The following EEFSEC variants were observed in gnomAD, a reference collection of about 807,000 sequenced individuals.
EEFSEC encodes eukaryotic elongation factor, selenocysteine-tRNA specific, also known as selenocysteine-specific elongation factor.
EEFSEC carries 43 observed loss-of-function variants against 42.1 expected under a neutral mutation model. The observed-to-expected ratio is 1.02, with a 90% CI of 0.80 to 1.32. The LOEUF is 1.32. EEFSEC is among the 40% of genes most tolerant of loss of function. EEFSEC has a pLI of 0.00. For missense variants in EEFSEC, 745 were observed against 803.6 expected (o/e 0.93, Z 0.88); for synonymous variants, 354 against 339.1 (o/e 1.04, Z -0.48).
At chr3:128,193,741 C>T (rs1337102406) in intron 1 of EEFSEC, among the ~76,000 whole-genome samples, 3 of 152,090 alleles carry the variant, frequency 2.0e-5, no homozygotes, top group African/African-American at 4.8e-5. Context: ...CACACTAATC[C>T]GCAGGCCAGG....
chr3:128,284,564 G>A (rs1008139163), intron 4 of EEFSEC, among the ~76,000 whole-genome samples: 1 of 152,100 alleles, frequency 6.6e-6, no homozygotes, highest in African/African-American at 2.4e-5. Flanking sequence ...GCAGGCTTTT[G>A]GGCACTCAGG....
chr3:128,402,620 C>T (rs777682336), intron 6 of EEFSEC, among the ~76,000 whole-genome samples: 3 of 152,222 alleles, frequency 2.0e-5, no homozygotes, highest in Admixed American at 1.3e-4. Flanking sequence ...TCAGTACCTC[C>T]GTGCTGTGGG....
At chr3:128,169,888 G>C (rs2065277743) in intron 1 of EEFSEC, among the ~76,000 whole-genome samples, 7 of 152,188 alleles carry the variant, frequency 4.6e-5, no homozygotes, top group Admixed American at 3.9e-4. Flanking sequence ...CAGAGCACAG[G>C]CCCTTCATGC....
chr3:128,422,288 G>C, the EEFSEC span, among the ~76,000 whole-genome samples: 1 of 152,236 alleles, frequency 6.6e-6, no homozygotes, highest in African/African-American at 2.4e-5. Flanking sequence ...GCATGGGGCG[G>C]CTCCTGCATA....
intron 6 of EEFSEC, among the ~76,000 whole-genome samples, chr3:128,400,139 T>C (rs951234380): frequency 5.3e-5 from 8 of 152,162 alleles, no homozygotes; most frequent in Non-Finnish European, 1.0e-4. Flanking sequence ...CAGGCCTGCC[T>C]CCAGCCACGC....
chr3:128,239,402 C>T (rs1181421658), intron 1 of EEFSEC, among the ~76,000 whole-genome samples: 4 of 152,116 alleles, frequency 2.6e-5, no homozygotes, highest in Admixed American at 2.6e-4. Context: ...GGTGAGGTGC[C>T]CTCCTCCAAC....
At chr3:128,227,062 G>A (rs527790957) in intron 1 of EEFSEC, among the ~76,000 whole-genome samples, 1 of 152,328 alleles carries the variant, frequency 6.6e-6, no homozygotes, top group African/African-American at 2.4e-5. Context: ...GGGCTTGCAG[G>A]ACATGGTGGA....
the EEFSEC span, among the ~76,000 whole-genome samples, chr3:128,414,456 TCAGAGGCCCAGG>T: frequency 1.3e-5 from 2 of 152,106 alleles, no homozygotes; most frequent in African/African-American, 4.8e-5. Context: ...CAGGCCTTCC[TCAGAGGCCCAGG>T]CAGAGGCCCT....
intron 6 of EEFSEC, among the ~76,000 whole-genome samples, chr3:128,400,253 G>C (rs2068033841): frequency 6.6e-6 from 1 of 152,220 alleles, no homozygotes; most frequent in Admixed American, 6.5e-5. Flanking sequence ...AGGGGAACTT[G>C]ACATTGGAGC....
At chr3:128,287,610 T>C (rs2066599936) in intron 4 of EEFSEC, among the ~76,000 whole-genome samples, 1 of 152,140 alleles carries the variant, frequency 6.6e-6, no homozygotes, top group Non-Finnish European at 1.5e-5. Flanking sequence ...TCTCCTGGAG[T>C]TAGACTGGGA....
chr3:128,296,399 T>G (rs913239005), intron 4 of EEFSEC, among the ~76,000 whole-genome samples: 2 of 152,086 alleles, frequency 1.3e-5, no homozygotes, highest in African/African-American at 2.4e-5. Context: ...AAGCCTTTCT[T>G]GTCTCCTCTT....
rs768663651 is a variant in EEFSEC at position 128,341,334 on chromosome 3, G to A, written c.888G>A (p.Lys296=). ...TCTGCGTCACCCAGTTTGACCCTAA[G>A]CTGCTGGAGCGCGGGTTGGTGTGTG... The part of the protein sequence containing the change: ...LGICVTQFDP[K]LLERGLVCAP... Residue 296 remains lysine, a synonymous_variant, in exon 5 of 7, where the codon AAG becomes AAA. Coordinates refer to ENST00000254730, the MANE Select transcript of EEFSEC (RefSeq NM_021937.5). 2.5e-6 allele frequency: 4 copies of A among 1,614,080 alleles called. No homozygotes were observed. Among genetic ancestry groups the A allele is most frequent in the Non-Finnish European group, 8.5e-7 (1 of 1,180,048 alleles).
intron 1 of EEFSEC, among the ~76,000 whole-genome samples, chr3:128,197,961 T>C (rs1419123742): frequency 1.3e-5 from 2 of 152,242 alleles, no homozygotes; most frequent in African/African-American, 4.8e-5. Flanking sequence ...GCCGTCTGTC[T>C]CTGCCTGTGA....
intron 5 of EEFSEC, among the ~76,000 whole-genome samples, chr3:128,350,899 T>A (rs2067377451): frequency 6.6e-6 from 1 of 152,162 alleles, no homozygotes; most frequent in Non-Finnish European, 1.5e-5. Flanking sequence ...ACACTGTCCG[T>A]GGGGAAAGTT....
At chr3:128,325,522 G>A (rs1431183611) in intron 4 of EEFSEC, among the ~76,000 whole-genome samples, 1 of 152,220 alleles carries the variant, frequency 6.6e-6, no homozygotes, top group East Asian at 1.9e-4. Flanking sequence ...CCGGGAAGAT[G>A]TTTGCACGGG....
At chr3:128,343,624 T>G (rs568085300) in intron 5 of EEFSEC, among the ~76,000 whole-genome samples, 17 of 152,348 alleles carry the variant, frequency 1.1e-4, no homozygotes, top group African/African-American at 4.1e-4. Flanking sequence ...GAGAGAGTAA[T>G]ATCCCAATTG....
intron 4 of EEFSEC, among the ~76,000 whole-genome samples, chr3:128,310,410 G>A (rs2066877120): frequency 1.3e-5 from 2 of 152,090 alleles, no homozygotes. Context: ...CTCTTAGTTT[G>A]GCTTCTTGAG....
chr3:128,404,064 G>A (rs1038850312), intron 6 of EEFSEC, among the ~76,000 whole-genome samples: 3 of 152,226 alleles, frequency 2.0e-5, no homozygotes, highest in Non-Finnish European at 2.9e-5. Context: ...AGTGGGACCC[G>A]CAGAGTCTGG....
At chr3:128,235,189 C>T (rs2065995469) in intron 1 of EEFSEC, among the ~76,000 whole-genome samples, 2 of 151,982 alleles carry the variant, frequency 1.3e-5, no homozygotes, top group South Asian at 4.2e-4. Flanking sequence ...CTCAGCCTCC[C>T]ATATGTCTGG....
Sources: gnomAD v4.1 joint callset for allele counts (sites outside exome capture counted in the v4.1 genomes callset) on GRCh38, gnomAD v4.1.1 for gene constraint, MANE v1.5 for transcripts, NCBI Gene and HGNC (gene_info 2026-07-23, HGNC 2026-07-21) for gene names.